BFAR: variants seen among roughly 807,000 people sequenced by gnomAD.
BFAR encodes bifunctional apoptosis regulator.
BFAR carries 52 observed loss-of-function variants against 54.4 expected under a neutral mutation model. The observed-to-expected ratio is 0.96, with a 90% CI of 0.77 to 1.21. BFAR has a LOEUF of 1.21. BFAR is among the 50% of genes most tolerant of loss of function. BFAR has a pLI of 0.00. For synonymous variants in BFAR, 215 were observed against 204.3 expected (o/e 1.05, Z -0.45); for missense variants, 571 against 534.0 (o/e 1.07, Z -0.68).
chr16:14,651,768 C>T (rs1959974944), intron 4 of BFAR, among the ~76,000 whole-genome samples: 1 of 152,068 alleles, frequency 6.6e-6, no homozygotes, highest in South Asian at 2.1e-4. Flanking sequence ...GCATGAGCCC[C>T]CGCACCCTCC....
intron 1 of BFAR, among the ~76,000 whole-genome samples, chr16:14,642,220 T>G (rs1959651108): frequency 6.6e-6 from 1 of 152,232 alleles, no homozygotes. Flanking sequence ...CCAGAAATAG[T>G]ATGAATAATC....
intron 1 of BFAR, among the ~76,000 whole-genome samples, chr16:14,636,125 T>A (rs1959427343): frequency 6.6e-6 from 1 of 152,216 alleles, no homozygotes; most frequent in South Asian, 2.1e-4. Flanking sequence ...ACCTGGAGTG[T>A]CAGAAATAGG....
At chr16:14,644,667 GC>G (rs1959735652) in intron 2 of BFAR, 58 bp downstream of exon 2, 2 of 1,404,670 alleles carry the variant, frequency 1.4e-6, no homozygotes, top group Non-Finnish European at 1.9e-6. Context: ...TTTCTCTCTT[GC>G]TTTTTTTTTT....
At chr16:14,634,033 A>T (rs1279467939) in intron 1 of BFAR, among the ~76,000 whole-genome samples, 1 of 152,126 alleles carries the variant, frequency 6.6e-6, no homozygotes, top group Non-Finnish European at 1.5e-5. Flanking sequence ...GGACCTTTGG[A>T]GGGGCAGGAG....
intron 1 of BFAR, among the ~76,000 whole-genome samples, chr16:14,642,240 G>A (rs2151836312): frequency 6.6e-6 from 1 of 152,294 alleles, no homozygotes; most frequent in Admixed American, 6.5e-5. Context: ...CATTTCTATA[G>A]CGCGTATTTA....
In BFAR at chr16:14,665,012, G is replaced by C; in HGVS notation, c.1101G>C (p.Met367Ile). Reference sequence around the variant, plus strand: ...CACGGTTTCTCATCATCAATGCTATGTTACTCTCAGTTCTGGAATTATTCT... The same window carrying C: ...CACGGTTTCTCATCATCAATGCTATCTTACTCTCAGTTCTGGAATTATTCT... Reference protein sequence around the residue: ...WTSRFLIINAMLLSVLELFSF... With the variant: ...WTSRFLIINAILLSVLELFSF... The change falls in exon 7 of 8, where the codon ATG becomes ATC. Residue 367 changes from methionine to isoleucine, a missense_variant. By Grantham distance (10) the Met-to-Ile change is conservative (BLOSUM62 1). Coordinates refer to ENST00000261658, the MANE Select transcript of BFAR (RefSeq NM_016561.3). 6.2e-7 allele frequency: 1 copy of C among 1,614,122 alleles called. No homozygotes were observed. Among genetic ancestry groups the C allele is most frequent in the South Asian group, 1.1e-5 (1 of 91,084 alleles).
At position 14,668,973 on chromosome 16, in the gene BFAR, C is replaced by T. The variant is rs762904609; in HGVS notation, c.*1146C>T. On this transcript the variant is annotated 3_prime_UTR_variant, in exon 8 of 8. Transcript: ENST00000261658. Reference sequence around the variant, plus strand: ...GTATAATACAGCAGGTATAATTACACCAAGCGCTATAGTTATAAATATGGC... The same window carrying T: ...GTATAATACAGCAGGTATAATTACATCAAGCGCTATAGTTATAAATATGGC... 4 of 413,534 alleles carry T rather than the reference C, an allele frequency of 9.7e-6. No homozygotes were observed. The highest frequency in any genetic ancestry group is 2.0e-5 in the African/African-American group (1 of 48,856). The allele number at this position is 413,534 out of a possible 1,614,324, so 25.6% of individuals were successfully genotyped here.
At chr16:14,666,436 C>T (rs538713465) in intron 7 of BFAR, among the ~76,000 whole-genome samples, 3 of 152,066 alleles carry the variant, frequency 2.0e-5, no homozygotes, top group East Asian at 1.9e-4. Context: ...CCAGGCGTGG[C>T]GGTGGGTGCC....
chr16:14,633,844 G>T (rs1243015898), intron 1 of BFAR, among the ~76,000 whole-genome samples: 1 of 152,100 alleles, frequency 6.6e-6, no homozygotes, highest in Non-Finnish European at 1.5e-5. Context: ...GTAGAGACGG[G>T]GTTTCACCAT....
intron 5 of BFAR, among the ~76,000 whole-genome samples, chr16:14,658,141 A>G (rs1228071576): frequency 6.6e-6 from 1 of 152,222 alleles, no homozygotes; most frequent in African/African-American, 2.4e-5. Context: ...CTCTGTCTCT[A>G]GCAAGAGAGA....
intron 5 of BFAR, 73 bp downstream of exon 5, chr16:14,655,283 G>A: frequency 9.1e-7 from 1 of 1,104,400 alleles, no homozygotes; most frequent in Non-Finnish European, 1.2e-6. Context: ...TTAATTTCAG[G>A]GTTTTCTTTT....
intron 1 of BFAR, among the ~76,000 whole-genome samples, chr16:14,642,946 C>T (rs1393944541): frequency 6.6e-6 from 1 of 152,208 alleles, no homozygotes; most frequent in Non-Finnish European, 1.5e-5. Flanking sequence ...TAGGCCAAGA[C>T]TGGCAGATCA....
intron 1 of BFAR, among the ~76,000 whole-genome samples, chr16:14,634,806 C>A (rs1959382546): frequency 6.6e-6 from 1 of 152,188 alleles, no homozygotes; most frequent in Non-Finnish European, 1.5e-5. Flanking sequence ...CTCCTAAGAC[C>A]ATACTGTTTC....
intron 3 of BFAR, 46 bp downstream of exon 3, chr16:14,648,638 C>T (rs535905187): frequency 1.6e-6 from 2 of 1,274,790 alleles, no homozygotes; most frequent in Admixed American, 2.0e-5. Context: ...CACCTCACCC[C>T]CCGACCCCTG....
rs770604558 is a variant in BFAR, at chr16:14,649,886, C to G, written c.551C>G (p.Ala184Gly). Reference protein sequence around the residue: ...LVHKAVAKWTAEEVVLWLEQL... With the variant: ...LVHKAVAKWTGEEVVLWLEQL... ...CACAAGGCTGTGGCCAAATGGACGG[C>G]GGAAGAAGTTGTCCTCTGGCTGGAG... Residue 184 changes from alanine to glycine, a missense_variant, in exon 4 of 8, where the codon GCG (alanine) becomes GGG (glycine). Physicochemically the swap from Ala to Gly is moderately conservative, Grantham distance 60. Transcript: ENST00000261658. 6.2e-7 allele frequency: 1 copy of G among 1,613,378 alleles called. No individual in the cohort carries two copies. The highest frequency in any genetic ancestry group is 1.3e-5 in the African/African-American group (1 of 75,036).
intron 4 of BFAR, among the ~76,000 whole-genome samples, chr16:14,653,278 A>G (rs552691511): frequency 1.3e-4 from 20 of 152,264 alleles, no homozygotes; most frequent in Non-Finnish European, 2.5e-4. Context: ...GTTTTTAAGG[A>G]TGAATCACTG....
At chr16:14,643,142 G>A (rs949851359) in intron 1 of BFAR, among the ~76,000 whole-genome samples, 13 of 152,068 alleles carry the variant, frequency 8.5e-5, no homozygotes, top group African/African-American at 2.4e-4. Context: ...GCGAAAACCC[G>A]TCTCTACTAA....
intron 4 of BFAR, among the ~76,000 whole-genome samples, chr16:14,652,914 G>A (rs1960014234): frequency 6.6e-6 from 1 of 152,114 alleles, no homozygotes; most frequent in Non-Finnish European, 1.5e-5. Context: ...CTGGCTGCCT[G>A]ACTGCCACCC....
intron 5 of BFAR, among the ~76,000 whole-genome samples, chr16:14,659,523 C>T (rs537021152): frequency 1.4e-5 from 2 of 148,024 alleles, no homozygotes; most frequent in East Asian, 4.0e-4. Context: ...GGATTACAGG[C>T]GTGAGCCACC....
Sources: allele counts gnomAD v4.1 joint callset (sites outside exome capture counted in the v4.1 genomes callset), GRCh38; gene constraint gnomAD v4.1.1; transcripts MANE v1.5; gene names NCBI Gene and HGNC (gene_info 2026-07-23, HGNC 2026-07-21).